The following CNTN6 variants were observed in gnomAD, a reference collection of about 807,000 sequenced individuals.
CNTN6 encodes contactin 6.
CNTN6 carries 137 observed loss-of-function variants against 122.8 expected under a neutral mutation model. The ratio of observed to expected loss-of-function variants is 1.12; its 90% CI spans 0.97 to 1.29. The LOEUF (loss-of-function observed/expected upper bound fraction) is 1.29. CNTN6 is among the 50% of genes most tolerant of loss of function. The pLI is 0.00. For synonymous variants in CNTN6, 570 were observed against 426.0 expected, an observed-to-expected ratio of 1.34 and a Z score of -4.16; for missense variants, 1,634 against 1,223.4, an observed-to-expected ratio of 1.34 and a Z score of -5.01.
intron 4 of CNTN6, among the ~76,000 whole-genome samples, chr3:1,265,835 T>C (rs1211799960): frequency 6.6e-6 from 1 of 152,126 alleles, no homozygotes; most frequent in Non-Finnish European, 1.5e-5. Context: ...AACCTTTGTG[T>C]TTTTTGAAAT....
At chr3:1,229,654 C>T (rs1017523200) in intron 4 of CNTN6, among the ~76,000 whole-genome samples, 1 of 151,992 alleles carries the variant, frequency 6.6e-6, no homozygotes, top group East Asian at 1.9e-4. Context: ...TTTCTTGCAA[C>T]GAGAAGTTTC....
chr3:1,384,812 C>G (rs867895671), intron 19 of CNTN6, among the ~76,000 whole-genome samples: 4,205 of 118,448 alleles, frequency 0.036, 106 homozygotes, highest in South Asian at 0.056. Flanking sequence ...CACACACACA[C>G]ATATATATAT....
At chr3:1,344,149 A>G (rs1026664317) in intron 11 of CNTN6, among the ~76,000 whole-genome samples, 23 of 152,186 alleles carry the variant, frequency 1.5e-4, no homozygotes, top group Admixed American at 1.5e-3. Flanking sequence ...GTGACTGGAG[A>G]AGGATGTGAT....
intron 1 of CNTN6, among the ~76,000 whole-genome samples, chr3:1,139,349 G>A (rs1248907198): frequency 6.6e-6 from 1 of 152,018 alleles, no homozygotes; most frequent in African/African-American, 2.4e-5. Context: ...GTACTAAACC[G>A]CACTGAAAGC....
intron 11 of CNTN6, among the ~76,000 whole-genome samples, chr3:1,337,807 A>G (rs76405658): frequency 0.013 from 1,937 of 152,212 alleles, 38 homozygotes; most frequent in African/African-American, 0.043. Flanking sequence ...GCCATCTGAT[A>G]GTCTTGCCTG....
At chr3:1,385,584 T>C in intron 19 of CNTN6, 27 bp from the exon 20 acceptor site, 1 of 1,551,328 alleles carries the variant, frequency 6.4e-7, no homozygotes, top group East Asian at 2.3e-5. Flanking sequence ...GAACAATAAA[T>C]TGCTTGTTTT....
In CNTN6 at chr3:1,247,453, T is replaced by TTA. The variant is rs1553640107; in HGVS notation, c.358+19460_358+19461insTA. The stretch of plus-strand genomic sequence containing the variant: ...AGCTATTAAAATAGACTATATGGTT[T>TTA]AAAAAAAAAAGAGGCTTGAATTGTA... On this transcript the variant is annotated intron_variant, in intron 4 of 22. Transcript: ENST00000446702. Among the ~76,000 whole-genome samples the TTA allele has an allele frequency of 5.4e-5, 8 of 149,342 alleles. No individual in the cohort carries two copies. The East Asian group carries it at 5.9e-4, about 11-fold the overall frequency.
intron 5 of CNTN6, among the ~76,000 whole-genome samples, chr3:1,290,936 C>A (rs1300817631): frequency 2.0e-5 from 3 of 152,124 alleles, no homozygotes; most frequent in Non-Finnish European, 2.9e-5. Context: ...CTTGTGCTGA[C>A]CTCCTATCTC....
intron 4 of CNTN6, among the ~76,000 whole-genome samples, chr3:1,231,248 CG>C (rs1338813598): frequency 6.6e-6 from 1 of 152,130 alleles, no homozygotes; most frequent in Admixed American, 6.6e-5. Flanking sequence ...CAGAAAAAAG[CG>C]GGTGCAGAAG....
chr3:1,310,374 TG>T (rs1404477972), intron 7 of CNTN6, among the ~76,000 whole-genome samples: 1 of 152,172 alleles, frequency 6.6e-6, no homozygotes, highest in Admixed American at 6.5e-5. Context: ...CCAGTTGATA[TG>T]ATCATGTGAT....
intron 11 of CNTN6, among the ~76,000 whole-genome samples, chr3:1,350,859 C>T (rs373877850): frequency 1.3e-5 from 2 of 151,834 alleles, no homozygotes. Flanking sequence ...TCACATTTAC[C>T]TCTTATAATT....
At chr3:1,147,069 C>G (rs73818443) in intron 1 of CNTN6, among the ~76,000 whole-genome samples, 1 of 152,024 alleles carries the variant, frequency 6.6e-6, no homozygotes, top group African/African-American at 2.4e-5. Context: ...TTTAAAAATA[C>G]ATCAAGAAAT....
At chr3:1,262,898 G>T (rs2094870132) in intron 4 of CNTN6, among the ~76,000 whole-genome samples, 1 of 151,558 alleles carries the variant, frequency 6.6e-6, no homozygotes, top group Admixed American at 6.6e-5. Flanking sequence ...ATAAATCCAA[G>T]AAGATAATTG....
chr3:1,331,798 TAGG>T (rs971199768), intron 11 of CNTN6, among the ~76,000 whole-genome samples: 3 of 149,942 alleles, frequency 2.0e-5, no homozygotes, highest in Non-Finnish European at 4.4e-5. Context: ...GAAAGAAAAT[TAGG>T]AGGAGAATTT....
At chr3:1,252,145 C>T (rs1474079741) in intron 4 of CNTN6, among the ~76,000 whole-genome samples, 1 of 152,156 alleles carries the variant, frequency 6.6e-6, no homozygotes, top group Non-Finnish European at 1.5e-5. Context: ...ATCTCACAAC[C>T]TAGGCCCACT....
chr3:1,174,613 T>TA (rs2093415857), intron 2 of CNTN6, among the ~76,000 whole-genome samples: 1 of 152,144 alleles, frequency 6.6e-6, no homozygotes, highest in Non-Finnish European at 1.5e-5. Flanking sequence ...CAAAGTATGA[T>TA]TAGTAACTAT....
chr3:1,390,461 A>G (rs575616189), intron 20 of CNTN6, among the ~76,000 whole-genome samples: 1 of 151,864 alleles, frequency 6.6e-6, no homozygotes, highest in Admixed American at 6.5e-5. Flanking sequence ...GAAAGCAGGA[A>G]AGATCCAAAA....
chr3:1,186,333 C>A (rs562300488), intron 2 of CNTN6, among the ~76,000 whole-genome samples: 1 of 152,060 alleles, frequency 6.6e-6, no homozygotes, highest in African/African-American at 2.4e-5. Flanking sequence ...ATCGTCAGCT[C>A]AAACCCGATT....
chr3:1,213,877 A>G (rs1559526002), intron 2 of CNTN6, among the ~76,000 whole-genome samples: 1 of 152,150 alleles, frequency 6.6e-6, no homozygotes, highest in Non-Finnish European at 1.5e-5. Flanking sequence ...AATGATACAA[A>G]GAGGTCAGAG....
Sources: gnomAD v4.1 joint callset for allele counts (sites outside exome capture counted in the v4.1 genomes callset) on GRCh38, gnomAD v4.1.1 for gene constraint, MANE v1.5 for transcripts, NCBI Gene and HGNC (gene_info 2026-07-23, HGNC 2026-07-21) for gene names.